Variants in GPRC5C observed in about 807,000 individuals in gnomAD.
GPRC5C encodes the protein G protein-coupled receptor class C group 5 member C.
A neutral mutation model predicts 31.4 loss-of-function variants in GPRC5C; 22 were observed. The ratio of observed to expected loss-of-function variants is 0.70; its 90% CI spans 0.50 to 1.00. The LOEUF (loss-of-function observed/expected upper bound fraction) is 1.00. GPRC5C is among the 50% of genes least tolerant of loss of function. GPRC5C has a pLI of 0.00. For synonymous variants in GPRC5C, 249 were observed against 257.5 expected (o/e 0.97, Z 0.32); for missense variants, 557 against 597.2 (o/e 0.93, Z 0.70).
intron 1 of GPRC5C, 112 bp downstream of exon 1, chr17:74,432,253 G>A: frequency 6.6e-7 from 1 of 1,519,836 alleles, no homozygotes; most frequent in Non-Finnish European, 8.8e-7. Flanking sequence ...TGATGTAACG[G>A]TGATGCAGGC....
intron 1 of GPRC5C, among the ~76,000 whole-genome samples, chr17:74,434,651 G>A (rs554019770): frequency 3.9e-5 from 6 of 152,192 alleles, no homozygotes; most frequent in African/African-American, 1.2e-4. Flanking sequence ...GGCCGGGAAC[G>A]GTGGCTCACA....
At chr17:74,442,809 C>G (rs1040203215) in intron 2 of GPRC5C, among the ~76,000 whole-genome samples, 2 of 152,184 alleles carry the variant, frequency 1.3e-5, no homozygotes, top group African/African-American at 2.4e-5. Flanking sequence ...TGGGTGGCCC[C>G]TGTCACACGC....
intron 3 of GPRC5C, among the ~76,000 whole-genome samples, chr17:74,444,945 A>T (rs894462603): frequency 6.6e-6 from 1 of 152,168 alleles, no homozygotes; most frequent in Non-Finnish European, 1.5e-5. Flanking sequence ...CTCACCTGGG[A>T]GCCTGCTCAA....
In GPRC5C at chr17:74,440,884, C is replaced by T; in HGVS notation, c.1051+57C>T. On this transcript the variant is annotated intron_variant, in intron 2 of 3. Transcript: ENST00000392627. This position sits in a 1 kb window ranked among gnomAD's most constrained non-coding sequence, Gnocchi z 4.4. ...TTTCTCCATCCCATGTCTTTTACTG[C>T]AGGACAGGGAGCCAGTCTCTTGAGC... is the stretch of plus-strand genomic sequence containing the variant. The T allele has an allele frequency of 7.2e-7, 1 of 1,397,014 alleles. No homozygotes were observed. The highest frequency in any genetic ancestry group is 9.4e-7 in the Non-Finnish European group (1 of 1,061,764). The allele number at this position is 1,397,014 out of a possible 1,614,324, so 86.5% of individuals were successfully genotyped here. A position where few individuals can be genotyped will look rare whatever the true frequency, so the allele number is the denominator to read the frequency against.
intron 3 of GPRC5C, among the ~76,000 whole-genome samples, chr17:74,444,402 C>T (rs2055594124): frequency 6.6e-6 from 1 of 152,222 alleles, no homozygotes; most frequent in Non-Finnish European, 1.5e-5. Context: ...CTCGACCTTA[C>T]ACCTCCCCCT....
At position 74,439,797 on chromosome 17, in the gene GPRC5C, G is replaced by A; in HGVS notation, c.21G>A (p.Leu7=). The A allele has an allele frequency of 6.2e-7, 1 of 1,613,366 alleles. No individual in the cohort carries two copies. The highest frequency in any genetic ancestry group is 8.5e-7 in the Non-Finnish European group (1 of 1,179,732). Residue 7 remains leucine (L), a synonymous_variant, in exon 2 of 4, where the codon TTG becomes TTA. Transcript: ENST00000392627. The part of the protein sequence containing the change: MAIHKA[L]VMCLGLPLFL... ...CCAGGATGGCCATCCACAAAGCCTT[G>A]GTGATGTGCCTGGGACTGCCTCTCT...
intron 2 of GPRC5C, 35 bp from the exon 3 acceptor site, chr17:74,443,783 T>C: frequency 6.9e-7 from 1 of 1,452,560 alleles, no homozygotes; most frequent in Non-Finnish European, 9.7e-7. Flanking sequence ...CTGAGAGCCC[T>C]GGGATCTTCA....
rs746575822 is a variant in GPRC5C, at chr17:74,440,637, T to C, written c.861T>C (p.Asn287=). Reference sequence around the variant, plus strand: ...CGCTGGCCATCGCCCTCGCCGCCAATGCCTGGGCCTTCGTCCTCTTCTACG... The same window carrying C: ...CGCTGGCCATCGCCCTCGCCGCCAACGCCTGGGCCTTCGTCCTCTTCTACG... ...DPTLAIALAA[N]AWAFVLFYVI... is the part of the protein sequence containing the mutation. The change falls in exon 2 of 4, where the codon AAT becomes AAC. Residue 287 remains asparagine, a synonymous_variant. Coordinates refer to ENST00000392627, the MANE Select transcript of GPRC5C (RefSeq NM_022036.4). This position sits in a 1 kb window ranked among gnomAD's most constrained non-coding sequence, Gnocchi z 4.4. The C allele has an allele frequency of 2.4e-5, 38 of 1,607,540 alleles. No individual in the cohort carries two copies. Among genetic ancestry groups the C allele is most frequent in the Non-Finnish European group, 3.1e-5 (37 of 1,174,688 alleles).
At chr17:74,444,085 A>C (rs2891033) in intron 3 of GPRC5C, among the ~76,000 whole-genome samples, 173 bp downstream of exon 3, 120,935 of 152,158 alleles carry the variant, frequency 0.79, 48,385 homozygotes, top group East Asian at 0.88. Context: ...CAGTTCTTAA[A>C]TTCCTTGTCC....
At chr17:74,436,673 T>G (rs113241380) in intron 1 of GPRC5C, among the ~76,000 whole-genome samples, 63 of 152,320 alleles carry the variant, frequency 4.1e-4, no homozygotes, top group African/African-American at 1.3e-3. Context: ...ATTTGCTGAT[T>G]TGGAGTAATT....
chr17:74,435,685 G>A (rs1224176542), intron 1 of GPRC5C, among the ~76,000 whole-genome samples: 2 of 152,340 alleles, frequency 1.3e-5, no homozygotes, highest in South Asian at 2.1e-4. Flanking sequence ...ACTGGAGGTG[G>A]GGGCTTAGGG....
Position 74,443,822 on chromosome 17 carries a change from G to A in GPRC5C, c.1056G>A (p.Lys352=), listed in dbSNP as rs1451533782. 6 of 1,610,034 alleles carry A rather than the reference G, an allele frequency of 3.7e-6. No individual in the cohort carries two copies. The highest frequency in any genetic ancestry group is 1.3e-5 in the African/African-American group (1 of 74,852). The change falls in exon 3 of 4, where the codon AAG becomes AAA. Residue 352 remains lysine (K), a synonymous_variant. Coordinates refer to ENST00000392627, the MANE Select transcript of GPRC5C (RefSeq NM_022036.4). ...TGTTCCTGCTTTTCCTTGTAGCTAA[G>A]AGGCCGGTGTCACCATACAGCGGGT... The part of the protein sequence containing the change: ...AFSMDEPVAA[K]RPVSPYSGYN...
At chr17:74,444,746 G>A (rs1003877217) in intron 3 of GPRC5C, among the ~76,000 whole-genome samples, 1 of 152,216 alleles carries the variant, frequency 6.6e-6, no homozygotes, top group East Asian at 1.9e-4. Context: ...AGGAGTGGAG[G>A]CTGCGGGCTG....
At chr17:74,432,935 G>A (rs2055377012) in intron 1 of GPRC5C, among the ~76,000 whole-genome samples, 1 of 152,016 alleles carries the variant, frequency 6.6e-6, no homozygotes, top group African/African-American at 2.4e-5. Flanking sequence ...CCCAGGGAGC[G>A]CAGGTGTAGA....
At position 74,447,261 on chromosome 17, in the gene GPRC5C, T is replaced by C; in HGVS notation, c.*233T>C. On this transcript the variant is annotated 3_prime_UTR_variant, in exon 4 of 4. Coordinates refer to ENST00000392627, the MANE Select transcript of GPRC5C (RefSeq NM_022036.4). ...ACCCCAGCCTCCTGCCAGGATCACC[T>C]CGGCGGTCACACTCCAGCCAAATAG... is the stretch of plus-strand genomic sequence containing the variant. The C allele has an allele frequency of 7.8e-7, 1 of 1,283,188 alleles. No homozygotes were observed. The highest frequency in any genetic ancestry group is 9.9e-7 in the Non-Finnish European group (1 of 1,012,766). The allele number at this position is 1,283,188 out of a possible 1,614,324, so 79.5% of individuals were successfully genotyped here.
downstream of GPRC5C, among the ~76,000 whole-genome samples, chr17:74,448,607 G>C (rs1434123918): frequency 6.6e-6 from 1 of 152,090 alleles, no homozygotes; most frequent in Non-Finnish European, 1.5e-5. Flanking sequence ...TTGAACTCCT[G>C]GCCTCAAGTG....
rs563295622 is a variant in GPRC5C at position 74,447,049 on chromosome 17, G to T, written c.*21G>T. ...ACTGAGTCAGCGGTGGCGAGGAGAG[G>T]CGGGCGGATTTGGGGAGGGCCCTGA... On this transcript the variant is annotated 3_prime_UTR_variant, in exon 4 of 4. Transcript: ENST00000392627. 11 of 1,601,742 alleles carry T rather than the reference G, an allele frequency of 6.9e-6. No homozygotes were observed. In the African/African-American group the frequency reaches 1.2e-4, roughly 18 times the overall value.
intron 3 of GPRC5C, among the ~76,000 whole-genome samples, chr17:74,444,436 G>C (rs748996554): frequency 6.6e-6 from 1 of 152,174 alleles, no homozygotes; most frequent in East Asian, 1.9e-4. Context: ...TAGAAGCATC[G>C]TTAGCCAGGG....
chr17:74,440,129 C>T lies in GPRC5C; in HGVS notation c.353C>T (p.Ser118Phe), dbSNP rs368593616. ...AAGCCCGACTTCTCCACCTGTGCCTCTCGGCGCTTCCTCTTTGGGGTTCTG... is the reference window on the plus strand; with the variant it reads ...AAGCCCGACTTCTCCACCTGTGCCTTTCGGCGCTTCCTCTTTGGGGTTCTG... Reference protein sequence around the residue: ...VVKPDFSTCASRRFLFGVLFA... With the variant: ...VVKPDFSTCAFRRFLFGVLFA... Residue 118 changes from serine to phenylalanine, a missense_variant, in exon 2 of 4, where the codon TCT (serine) becomes TTT (phenylalanine). Physicochemically the swap from Ser to Phe is radical, Grantham distance 155. Coordinates refer to ENST00000392627, the MANE Select transcript of GPRC5C (RefSeq NM_022036.4). The surrounding 1 kb of genome is among the most constrained non-coding windows in gnomAD (Gnocchi z 4.4). The T allele has an allele frequency of 2.5e-6, 4 of 1,614,074 alleles. No homozygotes were observed. Among genetic ancestry groups the T allele is most frequent in the Non-Finnish European group, 3.4e-6 (4 of 1,180,046 alleles).
Sources: gnomAD v4.1 joint callset for allele counts (sites outside exome capture counted in the v4.1 genomes callset) on GRCh38, gnomAD v4.1.1 for gene constraint, Gnocchi (gnomAD v3.1) non-coding constraint, MANE v1.5 for transcripts, NCBI Gene and HGNC (gene_info 2026-07-23, HGNC 2026-07-21) for gene names.